Variants in IQSEC3 observed in about 807,000 individuals in gnomAD.
IQSEC3 encodes IQ motif and Sec7 domain ArfGEF 3.
Under a neutral mutation model 105.4 loss-of-function variants are expected in IQSEC3, and 50 were observed. The observed-to-expected ratio is 0.47, with a 90% CI of 0.38 to 0.60. IQSEC3 has a LOEUF of 0.60. IQSEC3 is among the 20% of genes least tolerant of loss of function. IQSEC3 has a pLI of 0.00. For synonymous variants in IQSEC3, 708 were observed against 746.0 expected, an observed-to-expected ratio of 0.95 and a Z score of 0.83; for missense variants, 1,415 against 1,630.0, an observed-to-expected ratio of 0.87 and a Z score of 2.27.
In IQSEC3 at chr12:172,896, G is replaced by A. The variant is rs148621382; in HGVS notation, c.3115-1703G>A. On this transcript the variant is annotated intron_variant, in intron 13 of 13. Coordinates refer to ENST00000538872, the MANE Select transcript of IQSEC3 (RefSeq NM_001170738.2). ...GGGGACCAGAGCAGGGGAGGTAAACGGGAGGCGCAGGCTGTGGCCCAGAGG... is the reference window on the plus strand; with the variant it reads ...GGGGACCAGAGCAGGGGAGGTAAACAGGAGGCGCAGGCTGTGGCCCAGAGG... Among the ~76,000 whole-genome samples, 425 of 152,336 alleles carry A rather than the reference G, an allele frequency of 2.8e-3. 3 individuals carry two copies. Among genetic ancestry groups the A allele is most frequent in the African/African-American group, 9.4e-3 (389 of 41,566 alleles).
At chr12:78,256 C>A (rs1555069858) in intron 1 of IQSEC3, among the ~76,000 whole-genome samples, 1 of 151,810 alleles carries the variant, frequency 6.6e-6, no homozygotes. Context: ...CACCGCCCGC[C>A]GCCAGCCCGG....
intron 1 of IQSEC3, among the ~76,000 whole-genome samples, chr12:78,837 G>A (rs1357763318): frequency 4.6e-5 from 7 of 152,080 alleles, no homozygotes; most frequent in African/African-American, 1.2e-4. Flanking sequence ...GTGAGGGCTC[G>A]ACGCGGGGTG....
rs1312283860 is a variant in IQSEC3, at chr12:99,042, G to A, written c.555-104G>A. The A allele has an allele frequency of 5.9e-6, 6 of 1,015,904 alleles. No individual in the cohort carries two copies. The Admixed American group carries it at 1.2e-4, about 20-fold the overall frequency. The allele number at this position is 1,015,904 out of a possible 1,614,324, so 62.9% of individuals were successfully genotyped here. A position where few individuals can be genotyped will look rare whatever the true frequency, so the allele number is the denominator to read the frequency against. ...TTTTACACAGGGGCTCAAAAGGGCG[G>A]GGGTAGGAGCAGCAAGATTTCAGGG... On this transcript the variant is annotated intron_variant, in intron 1 of 13. Transcript: ENST00000538872.
intron 3 of IQSEC3, among the ~76,000 whole-genome samples, chr12:127,514 TCAAAACAAAA>T (rs782374387): frequency 2.6e-5 from 4 of 151,500 alleles, no homozygotes; most frequent in African/African-American, 7.3e-5. Flanking sequence ...AGACTCTGTC[TCAAAACAAAA>T]CAAAACAAAA....
At position 175,104 on chromosome 12, in the gene IQSEC3, C is replaced by A; in HGVS notation, c.*71C>A. On this transcript the variant is annotated 3_prime_UTR_variant, in exon 14 of 14. Coordinates refer to ENST00000538872, the MANE Select transcript of IQSEC3 (RefSeq NM_001170738.2). ...GGGCCTGGGCTGCCCCTCCACTGCT[C>A]CCCATACCCTGGCACGATGCGTTCC... is the stretch of plus-strand genomic sequence containing the variant. 2 of 1,191,928 alleles carry A rather than the reference C, an allele frequency of 1.7e-6. No homozygotes were observed. The highest frequency in any genetic ancestry group is 1.6e-5 in the South Asian group (1 of 62,688). 73.8% of individuals were successfully genotyped at this position (1,191,928 alleles called of 1,614,324 possible). A position where few individuals can be genotyped will look rare whatever the true frequency, so the allele number is the denominator to read the frequency against.
Position 104,103 on chromosome 12 carries a change from C to T in IQSEC3, c.623+4889C>T, listed in dbSNP as rs566586823. Among the ~76,000 whole-genome samples, 9 of 152,134 alleles carry T rather than the reference C, an allele frequency of 5.9e-5. No individual in the cohort carries two copies. In the East Asian group the frequency reaches 1.4e-3, roughly 23 times the overall value. On this transcript the variant is annotated intron_variant, in intron 2 of 13. Transcript: ENST00000538872. ...CATAGTGAACACATTATTTATTGAA[C>T]GTGCCAGGGACAACGTGCTGGGCAC...
rs782484857 is a variant in IQSEC3, at chr12:139,279, G to T, written c.1916G>T (p.Ser639Ile). ...CGCTACCACTGCGAGAACCCAGCCAGCTGCAAGTCGCCCACGCTCTCCACC... is the reference window on the plus strand; with the variant it reads ...CGCTACCACTGCGAGAACCCAGCCATCTGCAAGTCGCCCACGCTCTCCACC... The part of the protein sequence containing the change: ...LPRYHCENPA[S>I]CKSPTLSTDT... Residue 639 changes from serine (S) to isoleucine (I), a missense_variant, in exon 4 of 14, where the codon AGC becomes ATC. By Grantham distance (142) the Ser-to-Ile change is moderately radical. Transcript: ENST00000538872. The T allele has an allele frequency of 3.7e-6, 6 of 1,608,614 alleles. No homozygotes were observed. In the East Asian group the frequency reaches 1.1e-4, roughly 30 times the overall value.
At chr12:121,272 A>T (rs1327002970) in intron 2 of IQSEC3, among the ~76,000 whole-genome samples, 1 of 152,232 alleles carries the variant, frequency 6.6e-6, no homozygotes, top group Non-Finnish European at 1.5e-5. Context: ...ACTGGATTGA[A>T]GTAGATGGCC....
intron 1 of IQSEC3, among the ~76,000 whole-genome samples, chr12:69,775 A>T (rs1461984228): frequency 6.6e-6 from 1 of 152,254 alleles, no homozygotes; most frequent in Non-Finnish European, 1.5e-5. Context: ...TTCCCCACAG[A>T]GCTCAGGACG....
intron 3 of IQSEC3, 24 bp downstream of exon 3, chr12:125,936 C>A: frequency 6.6e-7 from 1 of 1,524,214 alleles, no homozygotes; most frequent in Non-Finnish European, 8.8e-7. Flanking sequence ...CCTAGGGGGG[C>A]GGGGAGGGTG....
intron 13 of IQSEC3, among the ~76,000 whole-genome samples, chr12:173,797 G>A (rs1202672400): frequency 6.6e-6 from 1 of 152,166 alleles, no homozygotes; most frequent in Admixed American, 6.5e-5. Context: ...TCCACCTCCC[G>A]CTGGTAGCAA....
intron 1 of IQSEC3, among the ~76,000 whole-genome samples, chr12:74,613 G>A (rs752654143): frequency 1.3e-5 from 2 of 152,252 alleles, no homozygotes; most frequent in Non-Finnish European, 1.5e-5. Context: ...ATGGTCATGC[G>A]GGCAGCCTGT....
At chr12:78,159 A>G (rs1863617069) in intron 1 of IQSEC3, among the ~76,000 whole-genome samples, 2 of 149,506 alleles carry the variant, frequency 1.3e-5, no homozygotes, top group Non-Finnish European at 3.0e-5. Flanking sequence ...CCGCCCGCCC[A>G]CGGTGTCTGG....
At chr12:126,009 C>T (rs1305227644) in intron 3 of IQSEC3, 97 bp downstream of exon 3, 96 of 1,224,082 alleles carry the variant, frequency 7.8e-5, no homozygotes, top group Middle Eastern at 2.8e-4. Flanking sequence ...GGGTCCCCTC[C>T]GCTACAGGCA....
At chr12:102,464 C>CCTTTCCTGAGCAAGTGCCT (rs1565396251) in intron 2 of IQSEC3, among the ~76,000 whole-genome samples, 1 of 152,240 alleles carries the variant, frequency 6.6e-6, no homozygotes, top group Non-Finnish European at 1.5e-5. Context: ...AGCAAGGGTC[C>CCTTTCCTGAGCAAGTGCCT]CTTTCCTGAG....
intron 2 of IQSEC3, among the ~76,000 whole-genome samples, chr12:119,316 T>C (rs1436759065): frequency 6.6e-6 from 1 of 152,212 alleles, no homozygotes; most frequent in Non-Finnish European, 1.5e-5. Flanking sequence ...AAATACTCCA[T>C]GATTTTCTCT....
intron 2 of IQSEC3, among the ~76,000 whole-genome samples, chr12:102,671 G>A (rs1864465129): frequency 6.6e-6 from 1 of 152,210 alleles, no homozygotes; most frequent in Non-Finnish European, 1.5e-5. Flanking sequence ...ACCTGCAGAG[G>A]AGCAGCTGGG....
intron 2 of IQSEC3, among the ~76,000 whole-genome samples, chr12:101,481 G>T (rs1864420498): frequency 6.6e-6 from 1 of 152,188 alleles, no homozygotes; most frequent in African/African-American, 2.4e-5. Flanking sequence ...TTGGGGACAG[G>T]AGGTGCTCCG....
intron 1 of IQSEC3, among the ~76,000 whole-genome samples, chr12:86,749 G>C (rs1016168067): frequency 2.6e-5 from 4 of 152,076 alleles, no homozygotes; most frequent in African/African-American, 9.7e-5. Flanking sequence ...TATCTTGTTT[G>C]ACCTTCACAA....
Sources: allele counts gnomAD v4.1 joint callset (sites outside exome capture counted in the v4.1 genomes callset), GRCh38; gene constraint gnomAD v4.1.1; transcripts MANE v1.5; gene names NCBI Gene and HGNC (gene_info 2026-07-23, HGNC 2026-07-21).